The following SNX9 variants were observed in gnomAD, a reference collection of about 807,000 sequenced individuals.
SNX9 encodes the protein sorting nexin 9.
In SNX9, 44 loss-of-function variants were observed where a neutral mutation model predicts 89.4. The observed-to-expected ratio is 0.49, with a 90% CI of 0.39 to 0.63. SNX9 has a LOEUF of 0.63. SNX9 is among the 30% of genes least tolerant of loss of function. The pLI, the probability that SNX9 is intolerant of heterozygous loss-of-function variation, is 0.00. For missense variants in SNX9, 578 were observed against 736.1 expected, an observed-to-expected ratio of 0.79 and a Z score of 2.49; for synonymous variants, 236 against 247.8, an observed-to-expected ratio of 0.95 and a Z score of 0.45.
rs1784070394 is a variant in SNX9, at chr6:157,942,831, T to C, written c.1781T>C (p.Val594Ala). 1 of 1,613,910 alleles carries C rather than the reference T, an allele frequency of 6.2e-7. No individual in the cohort carries two copies. The highest frequency in any genetic ancestry group is 1.3e-5 in the African/African-American group (1 of 75,008). The change falls in exon 18 of 18, where the codon GTG (valine) becomes GCG (alanine). Residue 594 changes from valine to alanine, a missense_variant. By Grantham distance (64) the Val-to-Ala change is moderately conservative. Transcript: ENST00000392185. ...KLRQALSRFP[V>A]M ...AGGCAGGCCCTCAGCCGCTTTCCAG[T>C]GATGTAGGACAGAACGGGCCTTGAA...
chr6:157,883,983 G>A (rs1298995462), intron 4 of SNX9, among the ~76,000 whole-genome samples: 1 of 151,862 alleles, frequency 6.6e-6, no homozygotes, highest in African/African-American at 2.4e-5. Flanking sequence ...TTTTTTTTCA[G>A]TTATAAATAC....
chr6:157,875,446 A>G (rs142409992), intron 4 of SNX9, among the ~76,000 whole-genome samples: 73 of 152,352 alleles, frequency 4.8e-4, no homozygotes, highest in African/African-American at 1.5e-3. Context: ...CACAGACCCC[A>G]GAAACTGCAA....
At chr6:157,841,869 T>G (rs1001395030) in intron 1 of SNX9, among the ~76,000 whole-genome samples, 4 of 152,226 alleles carry the variant, frequency 2.6e-5, no homozygotes, top group Non-Finnish European at 4.4e-5. Flanking sequence ...TTTTAACTTT[T>G]TATTTATAAA....
At chr6:157,831,666 C>T (rs1163889262) in intron 1 of SNX9, among the ~76,000 whole-genome samples, 1 of 152,242 alleles carries the variant, frequency 6.6e-6, no homozygotes, top group Non-Finnish European at 1.5e-5. Context: ...CATGTGTTCT[C>T]CCAGGGTTTC....
intron 1 of SNX9, among the ~76,000 whole-genome samples, chr6:157,834,160 T>TTTTTG (rs1781531884): frequency 1.0e-5 from 1 of 98,322 alleles, no homozygotes; most frequent in African/African-American, 4.7e-5. Flanking sequence ...GTTTTTTTTT[T>TTTTTG]TTTTTTTTTT....
chr6:157,852,504 A>T (rs1225090491), intron 1 of SNX9, among the ~76,000 whole-genome samples: 1 of 152,168 alleles, frequency 6.6e-6, no homozygotes, highest in African/African-American at 2.4e-5. Flanking sequence ...TTGAACTTCA[A>T]ATACTACAGC....
rs1281742688 is a variant in SNX9, at chr6:157,944,297, AT to A, written c.*1460del. On this transcript the variant is annotated 3_prime_UTR_variant, in exon 18 of 18. Coordinates refer to ENST00000392185, the MANE Select transcript of SNX9 (RefSeq NM_016224.5). ...GATGAAATCAAATGAATATGAGAAC[AT>A]CTTGTTCTTCAATATCACGGGTTTT... is the stretch of plus-strand genomic sequence containing the variant. 6.6e-6 allele frequency: 1 copy of A among 152,662 alleles called. No homozygotes were observed. The highest frequency in any genetic ancestry group is 1.5e-5 in the Non-Finnish European group (1 of 68,038). 9.5% of individuals were successfully genotyped at this position (152,662 alleles called of 1,614,324 possible). A position where few individuals can be genotyped will look rare whatever the true frequency, so the allele number is the denominator to read the frequency against.
intron 9 of SNX9, among the ~76,000 whole-genome samples, chr6:157,915,427 G>A (rs1288491292): frequency 6.6e-6 from 1 of 151,412 alleles, no homozygotes; most frequent in East Asian, 1.9e-4. Flanking sequence ...TATCGTATTT[G>A]ATTTTCATTA....
chr6:157,878,477 T>C (rs1353122296), intron 4 of SNX9, among the ~76,000 whole-genome samples: 1 of 151,178 alleles, frequency 6.6e-6, no homozygotes, highest in Non-Finnish European at 1.5e-5. Context: ...TCGCTCAGGC[T>C]GGAGTGCAGT....
At chr6:157,916,748 C>A (rs570477319) in intron 9 of SNX9, among the ~76,000 whole-genome samples, 74 of 152,330 alleles carry the variant, frequency 4.9e-4, no homozygotes, top group African/African-American at 1.6e-3. Context: ...CATTGCTGAA[C>A]CAGCCTTACA....
At chr6:157,832,516 C>T (rs1170618011) in intron 1 of SNX9, among the ~76,000 whole-genome samples, 1 of 152,174 alleles carries the variant, frequency 6.6e-6, no homozygotes, top group African/African-American at 2.4e-5. Context: ...TTAGTCTGTT[C>T]TCATGCTGCT....
chr6:157,842,379 T>C (rs1423907034), intron 1 of SNX9, among the ~76,000 whole-genome samples: 3 of 152,208 alleles, frequency 2.0e-5, no homozygotes, highest in African/African-American at 7.2e-5. Flanking sequence ...ACTCCAGTGC[T>C]CTTATCAAAA....
At chr6:157,903,212 C>T (rs1045070680) in intron 6 of SNX9, among the ~76,000 whole-genome samples, 1 of 152,110 alleles carries the variant, frequency 6.6e-6, no homozygotes, top group Non-Finnish European at 1.5e-5. Flanking sequence ...ATTCCAATTC[C>T]ATGATTCAAG....
intron 1 of SNX9, among the ~76,000 whole-genome samples, chr6:157,866,761 G>A (rs1418963652): frequency 1.3e-5 from 2 of 152,070 alleles, no homozygotes; most frequent in Non-Finnish European, 2.9e-5. Flanking sequence ...AAGGAGCAGT[G>A]AACATTTTAA....
chr6:157,846,768 G>A (rs1169219649), intron 1 of SNX9, among the ~76,000 whole-genome samples: 2 of 152,048 alleles, frequency 1.3e-5, no homozygotes, highest in African/African-American at 2.4e-5. Flanking sequence ...TCTTCTTGGC[G>A]GAGTGTGGTG....
In SNX9 at chr6:157,933,863, C is replaced by T. The variant is rs79683938; in HGVS notation, c.1366+1591C>T. ...ATTTTCTGGACTGTGATTATCAATACATAATTAAATGTTCCATATTGCAAA... is the reference window on the plus strand; with the variant it reads ...ATTTTCTGGACTGTGATTATCAATATATAATTAAATGTTCCATATTGCAAA... On this transcript the variant is annotated intron_variant, in intron 13 of 17. Coordinates refer to ENST00000392185, the MANE Select transcript of SNX9 (RefSeq NM_016224.5). Among the ~76,000 whole-genome samples, 809 of 152,310 alleles carry T rather than the reference C, an allele frequency of 5.3e-3. 7 individuals carry two copies. Among genetic ancestry groups the T allele is most frequent in the African/African-American group, 0.019 (772 of 41,552 alleles).
intron 1 of SNX9, among the ~76,000 whole-genome samples, chr6:157,851,624 C>T (rs959088139): frequency 2.6e-5 from 4 of 152,178 alleles, no homozygotes; most frequent in African/African-American, 4.8e-5. Context: ...GAGCCTCACT[C>T]TGTCACCCAG....
chr6:157,893,328 G>C (rs1355862920), intron 4 of SNX9, among the ~76,000 whole-genome samples: 1 of 152,160 alleles, frequency 6.6e-6, no homozygotes, highest in Non-Finnish European at 1.5e-5. Flanking sequence ...TCTTTCTCCT[G>C]TTAGTATTTG....
chr6:157,836,536 A>C (rs897354534), intron 1 of SNX9, among the ~76,000 whole-genome samples: 1 of 151,960 alleles, frequency 6.6e-6, no homozygotes, highest in Non-Finnish European at 1.5e-5. Context: ...TTGTTAAATC[A>C]CACAGAGTTT....
Sources: allele counts gnomAD v4.1 joint callset (sites outside exome capture counted in the v4.1 genomes callset), GRCh38; gene constraint gnomAD v4.1.1; transcripts MANE v1.5; gene names NCBI Gene and HGNC (gene_info 2026-07-23, HGNC 2026-07-21).